CREBBP: variants seen among roughly 807,000 people sequenced by gnomAD.
CREBBP encodes CREB-binding protein.
CREBBP carries 19 observed loss-of-function variants against 265.0 expected under a neutral mutation model. The ratio of observed to expected loss-of-function variants is 0.07; its 90% CI spans 0.05 to 0.11. CREBBP has a LOEUF of 0.11. Among genes scored for constraint, CREBBP ranks in the 10% least tolerant of loss-of-function variants. The pLI, the probability that CREBBP is intolerant of heterozygous loss-of-function variation, is 1.00. For missense variants in CREBBP, 2,525 were observed against 3,219.0 expected (o/e 0.78, Z 5.22); for synonymous variants, 1,457 against 1,223.7 (o/e 1.19, Z -3.98).
chr16:3,764,884 A>G (rs2052809719), intron 16 of CREBBP, among the ~76,000 whole-genome samples: 1 of 152,212 alleles, frequency 6.6e-6, no homozygotes, highest in Non-Finnish European at 1.5e-5. Flanking sequence ...CACCTGGCTG[A>G]AAAAATATTC....
At chr16:3,840,913 G>A (rs2054554448) in intron 2 of CREBBP, 1 of 156,032 alleles carries the variant, frequency 6.4e-6, no homozygotes, top group East Asian at 1.9e-4. Context: ...TCAAGAAGTG[G>A]ACATTTCAGA....
At chr16:3,862,191 A>G (rs2055090688) in intron 1 of CREBBP, among the ~76,000 whole-genome samples, 3 of 152,230 alleles carry the variant, frequency 2.0e-5, no homozygotes, top group Non-Finnish European at 2.9e-5. Flanking sequence ...GCAGTGAACA[A>G]AAGTAGGAAA....
At chr16:3,755,587 T>G (rs1364570406) in intron 19 of CREBBP, among the ~76,000 whole-genome samples, 3 of 152,158 alleles carry the variant, frequency 2.0e-5, no homozygotes, top group Non-Finnish European at 4.4e-5. Flanking sequence ...AGGCTAAGCT[T>G]AATACATTAA....
intron 2 of CREBBP, among the ~76,000 whole-genome samples, chr16:3,825,150 C>T (rs2054213749): frequency 6.6e-6 from 1 of 152,170 alleles, no homozygotes; most frequent in South Asian, 2.1e-4. Context: ...TCAATAACTG[C>T]AAGACAATGT....
chr16:3,738,791 G>A, intron 25 of CREBBP, 119 bp from the exon 26 acceptor site: 2 of 736,160 alleles, frequency 2.7e-6, no homozygotes, highest in East Asian at 2.7e-5. Flanking sequence ...TGTCATTCAG[G>A]CTGCAATGCG....
rs768816445 is a variant in CREBBP, at chr16:3,770,976, G to A, written c.2474C>T (p.Pro825Leu). The A allele has an allele frequency of 8.7e-6, 14 of 1,613,406 alleles. No homozygotes were observed. The highest frequency in any genetic ancestry group is 1.2e-5 in the Non-Finnish European group (14 of 1,180,006). Residue 825 changes from proline to leucine, a missense_variant, in exon 14 of 31, where the codon CCT becomes CTT. Physicochemically the swap from Pro to Leu is moderately conservative, Grantham distance 98. Coordinates refer to ENST00000262367, the MANE Select transcript of CREBBP (RefSeq NM_004380.3). The stretch of plus-strand genomic sequence containing the variant: ...GAGAGGGTTAGGAAGAGCAGCACCA[G>A]GCACCTGTCCCTACCAGAAATGGAC... ...AQTGVSQGQV[P>L]GAALPNPLNM... is the part of the protein sequence containing the mutation.
intron 5 of CREBBP, among the ~76,000 whole-genome samples, chr16:3,786,828 T>C (rs1479609880): frequency 6.6e-6 from 1 of 152,002 alleles, no homozygotes; most frequent in African/African-American, 2.4e-5. Context: ...TCCCAGCACT[T>C]TGGGAGTATG....
intron 1 of CREBBP, among the ~76,000 whole-genome samples, chr16:3,861,652 CAAAAAA>C (rs368654449): frequency 5.0e-5 from 6 of 121,090 alleles, no homozygotes; most frequent in Admixed American, 8.5e-5. Flanking sequence ...CTCTCTATAC[CAAAAAA>C]AAAAAAAAAA....
rs2051800390 is a variant in CREBBP at position 3,728,236 on chromosome 16, G to A, written c.6811C>T (p.Leu2271Phe). Residue 2271 changes from leucine (L) to phenylalanine (F), a missense_variant, in exon 31 of 31, where the codon CTT (leucine) becomes TTT (phenylalanine). By Grantham distance (22) the Leu-to-Phe change is conservative (BLOSUM62 0). Transcript: ENST00000262367. The surrounding 1 kb of genome is among the most constrained non-coding windows in gnomAD (Gnocchi z 8.7). ...MGQMAAQMGQ[L>F]GQMGQPGLGA... is the part of the protein sequence containing the mutation. ...AGCCCCGGCTGCCCCATCTGGCCAA[G>A]CTGTCCCATCTGAGCCGCCATCTGG... is the stretch of plus-strand genomic sequence containing the variant. 6.2e-7 allele frequency: 1 copy of A among 1,613,216 alleles called. No individual in the cohort carries two copies. The highest frequency in any genetic ancestry group is 2.2e-5 in the East Asian group (1 of 44,878).
intron 3 of CREBBP, among the ~76,000 whole-genome samples, chr16:3,809,041 C>T (rs79247998): frequency 0.027 from 4,175 of 151,994 alleles, 190 homozygotes; most frequent in East Asian, 0.19. Context: ...ACAATCCTGG[C>T]AACAAAAAGT....
intron 2 of CREBBP, among the ~76,000 whole-genome samples, chr16:3,811,780 C>A (rs1208142016): frequency 6.6e-6 from 1 of 152,200 alleles, no homozygotes; most frequent in Non-Finnish European, 1.5e-5. Flanking sequence ...AGGCATGAGC[C>A]ACCGTGCCCG....
rs779479811 is a variant in CREBBP at position 3,770,815 on chromosome 16, G to T, written c.2635C>A (p.Pro879Thr). The change falls in exon 14 of 31, where the codon CCT becomes ACT. Residue 879 changes from proline (P) to threonine (T), a missense_variant. By Grantham distance (38) the Pro-to-Thr change is conservative (BLOSUM62 -1). Transcript: ENST00000262367. Reference protein sequence around the residue: ...LQHTTPPGMTPPQPAAPTQPS... With the variant: ...LQHTTPPGMTTPQPAAPTQPS... ...TGAGTGGGAGCTGCTGGCTGGGGAGGAGTCATCCCAGGTGGTGTCGTGTGC... is the reference window on the plus strand; with the variant it reads ...TGAGTGGGAGCTGCTGGCTGGGGAGTAGTCATCCCAGGTGGTGTCGTGTGC... The T allele has an allele frequency of 6.2e-7, 1 of 1,614,058 alleles. No homozygotes were observed. The highest frequency in any genetic ancestry group is 1.1e-5 in the South Asian group (1 of 91,076).
chr16:3,879,872 G>C lies in CREBBP; in HGVS notation c.45C>G (p.Ala15=), dbSNP rs1406200900. 1.2e-6 allele frequency: 2 copies of C among 1,612,476 alleles called. No individual in the cohort carries two copies. Among genetic ancestry groups the C allele is most frequent in the Admixed American group, 1.7e-5 (1 of 59,920 alleles). ...CCGAGAAACCGGGCGAGCTGAGTTT[G>C]GCTCTTTTGGGGTTGGGCGGTCCGT... The part of the protein sequence containing the change: ...LLDGPPNPKR[A]KLSSPGFSAN... The change falls in exon 1 of 31, where the codon GCC becomes GCG. Residue 15 remains alanine, a synonymous_variant. Transcript: ENST00000262367.
At chr16:3,843,911 G>T (rs1051944697) in intron 2 of CREBBP, among the ~76,000 whole-genome samples, 4 of 151,706 alleles carry the variant, frequency 2.6e-5, no homozygotes, top group African/African-American at 9.7e-5. Flanking sequence ...CACTTTGGGA[G>T]GCCGAGGCGG....
intron 1 of CREBBP, among the ~76,000 whole-genome samples, chr16:3,854,834 G>A (rs1450398846): frequency 6.6e-6 from 1 of 152,206 alleles, no homozygotes; most frequent in East Asian, 1.9e-4. Flanking sequence ...ACACACACTT[G>A]TTATCTTCCC....
At position 3,793,405 on chromosome 16, in the gene CREBBP, C is replaced by T; in HGVS notation, c.1197G>A (p.Gln399=). Residue 399 remains glutamine, a synonymous_variant, in exon 4 of 31, where the codon CAG becomes CAA. Coordinates refer to ENST00000262367, the MANE Select transcript of CREBBP (RefSeq NM_004380.3). The part of the protein sequence containing the change: ...KNVLNHMTHC[Q]AGKACQVAHC... The stretch of plus-strand genomic sequence containing the variant: ...ACTTACCTTGGCAGGCTTTCCCAGC[C>T]TGACAATGCGTCATGTGATTCAAAA... The T allele has an allele frequency of 6.2e-7, 1 of 1,614,078 alleles. No homozygotes were observed. The highest frequency in any genetic ancestry group is 8.5e-7 in the Non-Finnish European group (1 of 1,180,018).
At chr16:3,832,178 A>C (rs1048608992) in intron 2 of CREBBP, among the ~76,000 whole-genome samples, 2 of 152,146 alleles carry the variant, frequency 1.3e-5, no homozygotes, top group African/African-American at 4.8e-5. Flanking sequence ...ATTTAAAGTA[A>C]CTGAATCATA....
intron 2 of CREBBP, among the ~76,000 whole-genome samples, chr16:3,848,066 A>C (rs1055930785): frequency 6.6e-6 from 1 of 151,892 alleles, no homozygotes; most frequent in Non-Finnish European, 1.5e-5. Context: ...GCTACTCAGG[A>C]GGCTGAGGCA....
At chr16:3,776,522 C>G (rs2053141597) in intron 11 of CREBBP, among the ~76,000 whole-genome samples, 1 of 152,196 alleles carries the variant, frequency 6.6e-6, no homozygotes, top group African/African-American at 2.4e-5. Flanking sequence ...ATCCAGCCAG[C>G]TGGGCTTAAC....
Sources: allele counts gnomAD v4.1 joint callset (sites outside exome capture counted in the v4.1 genomes callset), GRCh38; gene constraint gnomAD v4.1.1; non-coding constraint Gnocchi (gnomAD v3.1); transcripts MANE v1.5; gene names NCBI Gene and HGNC (gene_info 2026-07-23, HGNC 2026-07-21).